ESR1: variants seen among roughly 807,000 people sequenced by gnomAD.
ESR1 encodes the protein estrogen receptor 1.
A neutral mutation model predicts 52.7 loss-of-function variants in ESR1; 12 were observed. The ratio of observed to expected loss-of-function variants is 0.23; its 90% CI spans 0.15 to 0.37. The LOEUF (loss-of-function observed/expected upper bound fraction) is 0.37. Among genes scored for constraint, ESR1 ranks in the 10% least tolerant of loss-of-function variants. ESR1 has a pLI of 1.00. For synonymous variants in ESR1, 305 were observed against 316.8 expected (o/e 0.96, Z 0.39); for missense variants, 584 against 779.7 (o/e 0.75, Z 2.99).
chr6:151,659,767 A>G (rs1367117678), intron 1 of ESR1, among the ~76,000 whole-genome samples: 1 of 152,230 alleles, frequency 6.6e-6, no homozygotes, highest in Non-Finnish European at 1.5e-5. Flanking sequence ...CTGAAAAAAG[A>G]ATAGAAAATG....
chr6:151,802,126 A>T (rs1777310760), upstream of ESR1, among the ~76,000 whole-genome samples: 2 of 152,232 alleles, frequency 1.3e-5, no homozygotes, highest in Non-Finnish European at 2.9e-5. Context: ...TATGCTTTAG[A>T]TACATGTATT....
At chr6:151,827,898 G>C (rs1468155986) in intron 1 of ESR1, among the ~76,000 whole-genome samples, 4 of 152,154 alleles carry the variant, frequency 2.6e-5, no homozygotes, top group African/African-American at 9.7e-5. Context: ...GGCTTCATGA[G>C]TTTTAACTTC....
chr6:151,747,323 C>T (rs1202657920), intron 2 of ESR1, among the ~76,000 whole-genome samples: 6 of 152,160 alleles, frequency 3.9e-5, no homozygotes, highest in African/African-American at 1.4e-4. Context: ...ACTGAATAAG[C>T]AGATGGGTTG....
At chr6:151,966,522 A>G (rs2038290369) in intron 4 of ESR1, among the ~76,000 whole-genome samples, 1 of 152,118 alleles carries the variant, frequency 6.6e-6, no homozygotes, top group South Asian at 2.1e-4. Context: ...TAGCATTCCC[A>G]TTATCTATCA....
intron 1 of ESR1, among the ~76,000 whole-genome samples, chr6:151,661,550 C>T (rs185768391): frequency 3.3e-5 from 5 of 152,274 alleles, no homozygotes; most frequent in Non-Finnish European, 4.4e-5. Flanking sequence ...ATAATTTTTC[C>T]CAGCACAAAC....
chr6:152,118,901 A>T (rs1189028263), intron 6 of ESR1, among the ~76,000 whole-genome samples: 1 of 152,084 alleles, frequency 6.6e-6, no homozygotes, highest in Non-Finnish European at 1.5e-5. Context: ...TACTTGAGAG[A>T]TTAATGTCTG....
At chr6:151,767,711 G>A (rs1201052343) in intron 2 of ESR1, among the ~76,000 whole-genome samples, 1 of 152,162 alleles carries the variant, frequency 6.6e-6, no homozygotes, top group Non-Finnish European at 1.5e-5. Context: ...CCAGTTAAAA[G>A]AAAGATTTTC....
At chr6:151,955,781 A>C (rs1044583660) in intron 4 of ESR1, among the ~76,000 whole-genome samples, 2 of 152,026 alleles carry the variant, frequency 1.3e-5, no homozygotes, top group African/African-American at 4.8e-5. Context: ...ATATAGGTAA[A>C]CTCATGGCTC....
At position 152,061,545 on chromosome 6, in the gene ESR1, C is replaced by G. The variant is rs1390771216; in HGVS notation, c.1369+421C>G. 6.6e-6 allele frequency among the ~76,000 whole-genome samples: 1 copy of G among 152,196 alleles called. No homozygotes were observed. Among genetic ancestry groups the G allele is most frequent in the Non-Finnish European group, 1.5e-5 (1 of 68,034 alleles). On this transcript the variant is annotated intron_variant, in intron 6 of 7. Transcript: ENST00000206249. This position sits in a 1 kb window ranked among gnomAD's most constrained non-coding sequence, Gnocchi z 4.3. Reference sequence around the variant, plus strand: ...GGGTTATTTGAGACAGACCATGTTTCTGGTCAAAACTGACTAGCTAAAAAT... The same window carrying G: ...GGGTTATTTGAGACAGACCATGTTTGTGGTCAAAACTGACTAGCTAAAAAT...
chr6:151,843,926 A>T (rs1419848189), intron 2 of ESR1, among the ~76,000 whole-genome samples: 79 of 146,350 alleles, frequency 5.4e-4, no homozygotes, highest in Non-Finnish European at 6.6e-4. Context: ...TTTTTTTTTT[A>T]AAAGCTGTTC....
At chr6:151,783,086 C>T (rs1786701630) in intron 2 of ESR1, among the ~76,000 whole-genome samples, 1 of 152,214 alleles carries the variant, frequency 6.6e-6, no homozygotes, top group African/African-American at 2.4e-5. Flanking sequence ...GTTCCAGCAA[C>T]CACTTGTCAT....
chr6:152,107,346 G>A (rs1283039485), downstream of ESR1, among the ~76,000 whole-genome samples: 1 of 151,922 alleles, frequency 6.6e-6, no homozygotes, highest in African/African-American at 2.4e-5. Context: ...TATCTTCCAG[G>A]GGACTGTTTT....
chr6:152,030,185 A>G (rs572770176), intron 5 of ESR1, among the ~76,000 whole-genome samples: 1 of 152,330 alleles, frequency 6.6e-6, no homozygotes, highest in East Asian at 1.9e-4. Flanking sequence ...CACTGCAAAA[A>G]CATGCAAATT....
chr6:151,911,172 A>G (rs1013086482), intron 3 of ESR1, among the ~76,000 whole-genome samples: 1 of 152,164 alleles, frequency 6.6e-6, no homozygotes, highest in African/African-American at 2.4e-5. Flanking sequence ...GTCCTGCATT[A>G]ATGTAATTAA....
intron 5 of ESR1, among the ~76,000 whole-genome samples, chr6:152,031,316 C>CA (rs1162388893): frequency 2.6e-5 from 4 of 151,830 alleles, no homozygotes; most frequent in African/African-American, 4.8e-5. Flanking sequence ...GATAGAGACA[C>CA]AAAAAACCCT....
intron 6 of ESR1, among the ~76,000 whole-genome samples, chr6:152,109,311 T>C (rs1238741038): frequency 6.6e-6 from 1 of 152,190 alleles, no homozygotes; most frequent in East Asian, 1.9e-4. Context: ...ATAGTTTTCA[T>C]TATTTGGACT....
intron 5 of ESR1, among the ~76,000 whole-genome samples, chr6:152,031,864 T>C (rs2044742273): frequency 6.6e-6 from 1 of 152,182 alleles, no homozygotes; most frequent in African/African-American, 2.4e-5. Context: ...CCAATATCCC[T>C]GATGAACATC....
In ESR1 at chr6:151,956,843, A is replaced by AATAAATAAATAT. The variant is rs1554293623; in HGVS notation, c.1096+12338_1096+12339insAATAAATATATA. ...ATAAAAATATATATAAATATAAATA[A>AATAAATAAATAT]ATATATATATATATATATAAATATA... is the stretch of plus-strand genomic sequence containing the variant. On this transcript the variant is annotated intron_variant, in intron 4 of 7. Coordinates refer to ENST00000206249, the MANE Select transcript of ESR1 (RefSeq NM_000125.4). Among the ~76,000 whole-genome samples, 33 of 44,474 alleles carry AATAAATAAATAT rather than the reference A, an allele frequency of 7.4e-4. No individual in the cohort carries two copies. In the East Asian group the frequency reaches 8.9e-3, roughly 12 times the overall value. The allele number at this position is 44,474 out of a possible 152,430, so 29.2% of individuals were successfully genotyped here. A position where few individuals can be genotyped will look rare whatever the true frequency, so the allele number is the denominator to read the frequency against.
chr6:151,789,591 A>G (rs1198492947), intron 2 of ESR1, among the ~76,000 whole-genome samples: 1 of 152,232 alleles, frequency 6.6e-6, no homozygotes, highest in African/African-American at 2.4e-5. Flanking sequence ...CCCATGGAGT[A>G]TAAATAGAGT....
Sources: gnomAD v4.1 joint callset for allele counts (sites outside exome capture counted in the v4.1 genomes callset) on GRCh38, gnomAD v4.1.1 for gene constraint, Gnocchi (gnomAD v3.1) non-coding constraint, MANE v1.5 for transcripts, NCBI Gene and HGNC (gene_info 2026-07-23, HGNC 2026-07-21) for gene names.